The following GPR19 variants were observed in gnomAD, a reference collection of about 807,000 sequenced individuals.
The protein encoded by GPR19 is G protein-coupled receptor 19, also known as probable G protein-coupled receptor 19.
GPR19 carries 14 observed loss-of-function variants against 28.5 expected under a neutral mutation model. The observed-to-expected ratio is 0.49, with a 90% CI of 0.32 to 0.77. The LOEUF is 0.77. Ranked by LOEUF, GPR19 falls within the 30% of genes least tolerant of loss-of-function variation. The pLI is 0.03. For missense variants in GPR19, 409 were observed against 504.1 expected (o/e 0.81, Z 1.81); for synonymous variants, 173 against 184.1 (o/e 0.94, Z 0.49).
At chr12:12,705,742 G>A in the GPR19 span, among the ~76,000 whole-genome samples, 1 of 151,970 alleles carries the variant, frequency 6.6e-6, no homozygotes, top group Non-Finnish European at 1.5e-5. Context: ...TAGACACAGG[G>A]TTTCACTATG....
intron 2 of GPR19, chr12:12,688,935 G>A: frequency 6.6e-6 from 1 of 152,348 alleles, no homozygotes; most frequent in Non-Finnish European, 1.5e-5. Context: ...GGTTGTTCCT[G>A]CATTGCAATG....
the GPR19 span, among the ~76,000 whole-genome samples, chr12:12,713,713 A>T: frequency 6.6e-6 from 1 of 151,354 alleles, no homozygotes; most frequent in Non-Finnish European, 1.5e-5. Flanking sequence ...TTGTATTTGT[A>T]GTAGAGATGA....
the GPR19 span, among the ~76,000 whole-genome samples, chr12:12,714,048 C>G: frequency 6.6e-6 from 1 of 152,322 alleles, no homozygotes; most frequent in African/African-American, 2.4e-5. Context: ...TTGTTTACTT[C>G]TGTGTTCCCA....
chr12:12,710,602 C>T, the GPR19 span, among the ~76,000 whole-genome samples: 4 of 152,260 alleles, frequency 2.6e-5, no homozygotes, highest in South Asian at 6.2e-4. Context: ...GGCTGGAGTG[C>T]AGTGGTACAC....
rs368756990 is a variant in GPR19 at position 12,661,176 on chromosome 12, G to A, written c.*25C>T. 6.5e-5 allele frequency: 98 copies of A among 1,517,894 alleles called. No homozygotes were observed. The highest frequency in any genetic ancestry group is 8.5e-5 in the Non-Finnish European group (95 of 1,111,680). The allele number at this position is 1,517,894 out of a possible 1,614,324, so 94.0% of individuals were successfully genotyped here. On this transcript the variant is annotated 3_prime_UTR_variant, in exon 4 of 4. Transcript: ENST00000651487. The surrounding 1 kb of genome is among the most constrained non-coding windows in gnomAD (Gnocchi z 4.2). ...TAGTTAAAGCTTTTTAATCTCTGGT[G>A]CATAACAATTGAAAGAATGAGAACT...
chr12:12,661,377 A>G lies in GPR19; in HGVS notation c.1072T>C (p.Tyr358His). ...SSMKCYRSNA[Y>H]TITTSSRMAK... is the part of the protein sequence containing the mutation. Reference sequence around the variant, plus strand: ...ATCCTTGAACTTGTTGTGATAGTATAGGCATTGCTTCGGTAACATTTCATA... The same window carrying G: ...ATCCTTGAACTTGTTGTGATAGTATGGGCATTGCTTCGGTAACATTTCATA... The change falls in exon 4 of 4, where the codon TAT becomes CAT. Residue 358 changes from tyrosine to histidine, a missense_variant. Tyr to His is a moderately conservative substitution (Grantham distance 83). Transcript: ENST00000651487. This position sits in a 1 kb window ranked among gnomAD's most constrained non-coding sequence, Gnocchi z 4.2. 1 of 1,613,846 alleles carries G rather than the reference A, an allele frequency of 6.2e-7. No homozygotes were observed. Among genetic ancestry groups the G allele is most frequent in the Non-Finnish European group, 8.5e-7 (1 of 1,179,726 alleles).
At chr12:12,699,387 G>C (rs967622883), upstream of GPR19, among the ~76,000 whole-genome samples, 2 of 152,148 alleles carry the variant, frequency 1.3e-5, no homozygotes, top group African/African-American at 4.8e-5. Context: ...AAATTGCAGG[G>C]TTTGTGTATG....
chr12:12,661,947 C>G lies in GPR19; in HGVS notation c.502G>C (p.Val168Leu). 6.2e-7 allele frequency: 1 copy of G among 1,614,204 alleles called. No individual in the cohort carries two copies. Among genetic ancestry groups the G allele is most frequent in the Non-Finnish European group, 8.5e-7 (1 of 1,180,044 alleles). The change falls in exon 4 of 4, where the codon GTC (valine) becomes CTC (leucine). Residue 168 changes from valine to leucine, a missense_variant. Coordinates refer to ENST00000651487, the MANE Select transcript of GPR19 (RefSeq NM_006143.3). The surrounding 1 kb of genome is among the most constrained non-coding windows in gnomAD (Gnocchi z 4.2). ...SICIDRFYTI[V>L]YPLSFKVSRE... is the part of the protein sequence containing the mutation. ...GACACCTTGAAGCTCAGAGGATAGA[C>G]GATGGTGTAGAACCGGTCTATGCAG...
In GPR19 at chr12:12,662,473, G is replaced by C; in HGVS notation, c.-22-3C>G. On this transcript the variant is annotated splice_region_variant and splice_polypyrimidine_tract_variant and intron_variant, in intron 3 of 3. Transcript: ENST00000651487. ...TATTCACTTTTTTTCTCTTAATTCTGGTTGGGGAAAAGAAGAATGAGGCCT... is the reference window on the plus strand; with the variant it reads ...TATTCACTTTTTTTCTCTTAATTCTCGTTGGGGAAAAGAAGAATGAGGCCT... The C allele has an allele frequency of 2.5e-6, 4 of 1,603,650 alleles. No homozygotes were observed. Among genetic ancestry groups the C allele is most frequent in the Non-Finnish European group, 3.4e-6 (4 of 1,174,024 alleles).
chr12:12,678,272 T>C (rs191442826), intron 3 of GPR19, among the ~76,000 whole-genome samples: 1 of 152,120 alleles, frequency 6.6e-6, no homozygotes, highest in African/African-American at 2.4e-5. Context: ...AATATTGTTA[T>C]GTATATACCC....
intron 3 of GPR19, among the ~76,000 whole-genome samples, chr12:12,671,175 T>C (rs1288097072): frequency 6.6e-6 from 1 of 151,164 alleles, no homozygotes; most frequent in Non-Finnish European, 1.5e-5. Flanking sequence ...GTGTGGCGGC[T>C]GGTGCCTGTA....
At chr12:12,680,276 C>T (rs2136328972) in intron 3 of GPR19, among the ~76,000 whole-genome samples, 1 of 152,290 alleles carries the variant, frequency 6.6e-6, no homozygotes, top group East Asian at 1.9e-4. Flanking sequence ...CGTCTGTGGA[C>T]ATTGAATAGG....
intron 3 of GPR19, among the ~76,000 whole-genome samples, chr12:12,677,204 A>ATTTT (rs765786361): frequency 5.2e-5 from 7 of 133,614 alleles, no homozygotes; most frequent in African/African-American, 8.5e-5. Context: ...GCAGATGTTA[A>ATTTT]TTTTTTTTTT....
intron 2 of GPR19, among the ~76,000 whole-genome samples, chr12:12,690,695 T>C (rs141059748): frequency 5.9e-5 from 9 of 152,286 alleles, no homozygotes; most frequent in African/African-American, 2.2e-4. Context: ...TCCTTATAAA[T>C]TCAATGCTTC....
intron 3 of GPR19, among the ~76,000 whole-genome samples, chr12:12,678,368 C>G (rs1945967599): frequency 6.6e-6 from 1 of 152,078 alleles, no homozygotes. Context: ...TAGGACATAG[C>G]AATATATTTT....
chr12:12,708,191 G>C, the GPR19 span, among the ~76,000 whole-genome samples: 1 of 151,098 alleles, frequency 6.6e-6, no homozygotes, highest in Non-Finnish European at 1.5e-5. Context: ...GTAGAGATGG[G>C]GTCTCGCTAT....
chr12:12,697,177 A>AAAAAAAAAAAAC (rs59563324), upstream of GPR19, among the ~76,000 whole-genome samples: 1 of 148,898 alleles, frequency 6.7e-6, no homozygotes, highest in Non-Finnish European at 1.5e-5. Flanking sequence ...AAAAAAAAAA[A>AAAAAAAAAAAAC]GCAGCCATGC....
chr12:12,713,056 G>C, the GPR19 span, among the ~76,000 whole-genome samples: 20 of 124,938 alleles, frequency 1.6e-4, no homozygotes, highest in African/African-American at 5.7e-4. Context: ...GATCTGATGC[G>C]CTTTTTTTTT....
At chr12:12,682,345 C>A (rs1330454837) in intron 3 of GPR19, among the ~76,000 whole-genome samples, 1 of 152,166 alleles carries the variant, frequency 6.6e-6, no homozygotes. Context: ...TGACTGTTGC[C>A]AAGTTCTTAC....
Sources: allele counts gnomAD v4.1 joint callset (sites outside exome capture counted in the v4.1 genomes callset), GRCh38; gene constraint gnomAD v4.1.1; non-coding constraint Gnocchi (gnomAD v3.1); transcripts MANE v1.5; gene names NCBI Gene and HGNC (gene_info 2026-07-23, HGNC 2026-07-21).